The following CLEC4F variants were observed in gnomAD, a reference collection of about 807,000 sequenced individuals.
CLEC4F encodes C-type (calcium dependent, carbohydrate-recognition domain) lectin, superfamily member 13.
In CLEC4F, 45 loss-of-function variants were observed where a neutral mutation model predicts 53.4. That is an observed-to-expected ratio of 0.84 (90% CI 0.66 to 1.08). The LOEUF (loss-of-function observed/expected upper bound fraction) is 1.08. CLEC4F is among the 50% of genes least tolerant of loss of function. The pLI is 0.00. For synonymous variants in CLEC4F, 245 were observed against 257.5 expected (o/e 0.95, Z 0.46); for missense variants, 753 against 698.2 (o/e 1.08, Z -0.88).
chr2:70,818,157 G>A (rs1166133939), intron 3 of CLEC4F, among the ~76,000 whole-genome samples: 2 of 152,198 alleles, frequency 1.3e-5, no homozygotes, highest in African/African-American at 4.8e-5. Flanking sequence ...CTCAGTTACT[G>A]TGCTAAGGTA....
chr2:70,820,134 C>A (rs1320333662), intron 1 of CLEC4F, among the ~76,000 whole-genome samples: 1 of 152,154 alleles, frequency 6.6e-6, no homozygotes, highest in Non-Finnish European at 1.5e-5. Flanking sequence ...AGACCGAGAC[C>A]ACCGATCTCC....
intron 3 of CLEC4F, among the ~76,000 whole-genome samples, chr2:70,817,602 T>C (rs1676995946): frequency 6.6e-6 from 1 of 152,222 alleles, no homozygotes; most frequent in African/African-American, 2.4e-5. Flanking sequence ...TGATTCACCA[T>C]TGTTACTTGA....
Position 70,816,542 on chromosome 2 carries a change from C to G in CLEC4F, c.839G>C (p.Gly280Ala). 1 of 1,614,068 alleles carries G rather than the reference C, an allele frequency of 6.2e-7. No homozygotes were observed. The highest frequency in any genetic ancestry group is 8.5e-7 in the Non-Finnish European group (1 of 1,180,036). Residue 280 changes from glycine (G) to alanine (A), a missense_variant, in exon 4 of 7, where the codon GGA (glycine) becomes GCA (alanine). By Grantham distance (60) the Gly-to-Ala change is moderately conservative. Coordinates refer to ENST00000272367, the MANE Select transcript of CLEC4F (RefSeq NM_173535.3). ...QNQVLRNSLE[G>A]ANAEIQGLKE... ...TAGTCCCTGGATCTCAGCATTGGCT[C>G]CTTCCAAACTATTTCTTAAAACCTG... is the stretch of plus-strand genomic sequence containing the variant.
intron 3 of CLEC4F, 106 bp from the exon 4 acceptor site, chr2:70,817,218 G>T: frequency 1.6e-6 from 2 of 1,219,696 alleles, no homozygotes; most frequent in Non-Finnish European, 2.2e-6. Flanking sequence ...AATGGGTACT[G>T]CACAGCCCTC....
chr2:70,819,554 C>T, intron 2 of CLEC4F, 110 bp from the exon 3 acceptor site: 1 of 1,083,408 alleles, frequency 9.2e-7, no homozygotes, highest in Non-Finnish European at 1.4e-6. Context: ...GCAGCAAAGA[C>T]CCTCCCAGGG....
intron 4 of CLEC4F, among the ~76,000 whole-genome samples, chr2:70,813,618 T>TCTTTCTTTCTTTCTTTCTTTCTTTCTTC (rs1558612645): frequency 6.8e-5 from 10 of 147,902 alleles, no homozygotes; most frequent in African/African-American, 2.3e-4. Context: ...TTTCTTTCTT[T>TCTTTCTTTCTTTCTTTCTTTCTTTCTTC]CTTTCTTTCT....
upstream of CLEC4F, among the ~76,000 whole-genome samples, chr2:70,821,599 G>C (rs146171168): frequency 6.6e-6 from 1 of 152,200 alleles, no homozygotes; most frequent in Non-Finnish European, 1.5e-5. Context: ...GCCTTGCCCT[G>C]TGTACCTCTT....
intron 2 of CLEC4F, 87 bp downstream of exon 2, chr2:70,819,688 G>C (rs1677122400): frequency 1.1e-6 from 1 of 944,318 alleles, no homozygotes; most frequent in Non-Finnish European, 1.7e-6. Flanking sequence ...GAGCAGAGAG[G>C]CCCAGAGAGT....
At chr2:70,821,012 C>T (rs931654188), upstream of CLEC4F, among the ~76,000 whole-genome samples, 4 of 152,120 alleles carry the variant, frequency 2.6e-5, no homozygotes, top group African/African-American at 9.7e-5. Context: ...AGCGGGGTGA[C>T]CAGCCACTTG....
At chr2:70,811,746 T>G (rs1676580061) in intron 5 of CLEC4F, among the ~76,000 whole-genome samples, 1 of 152,150 alleles carries the variant, frequency 6.6e-6, no homozygotes, top group South Asian at 2.1e-4. Flanking sequence ...CTGGGTCTCC[T>G]ATTCATGGGC....
intron 5 of CLEC4F, among the ~76,000 whole-genome samples, chr2:70,811,683 T>G (rs534234278): frequency 6.6e-6 from 1 of 152,200 alleles, no homozygotes; most frequent in African/African-American, 2.4e-5. Flanking sequence ...GGGACGGTAT[T>G]GCGTTTGGTG....
chr2:70,809,424 T>C, intron 6 of CLEC4F, 42 bp from the exon 7 acceptor site: 1 of 1,553,736 alleles, frequency 6.4e-7, no homozygotes, highest in Non-Finnish European at 8.7e-7. Context: ...ACCCACTCAC[T>C]GGCTGCATGC....
chr2:70,819,717 G>C (rs1553397412), intron 2 of CLEC4F, 58 bp downstream of exon 2: 1 of 1,297,152 alleles, frequency 7.7e-7, no homozygotes, highest in Non-Finnish European at 1.1e-6. Flanking sequence ...GGGGCCCCTG[G>C]GGACTTTGTG....
chr2:70,813,700 A>G (rs1406161873), intron 4 of CLEC4F, among the ~76,000 whole-genome samples: 2 of 136,104 alleles, frequency 1.5e-5, no homozygotes, highest in African/African-American at 5.5e-5. Context: ...TTTTTGAGAC[A>G]GAGTTTTGCT....
chr2:70,822,470 C>T (rs535176556), upstream of CLEC4F, among the ~76,000 whole-genome samples: 193 of 152,226 alleles, frequency 1.3e-3, no homozygotes, highest in African/African-American at 4.3e-3. Flanking sequence ...GCTGGGTGGG[C>T]CTAGCATTAG....
At chr2:70,812,233 G>C (rs1676609050) in intron 5 of CLEC4F, among the ~76,000 whole-genome samples, 1 of 152,194 alleles carries the variant, frequency 6.6e-6, no homozygotes, top group South Asian at 2.1e-4. Context: ...GACCTCTGGT[G>C]TCTCCCTCAT....
upstream of CLEC4F, among the ~76,000 whole-genome samples, chr2:70,821,894 A>G (rs541463538): frequency 1.3e-5 from 2 of 152,246 alleles, no homozygotes; most frequent in South Asian, 4.2e-4. Context: ...CTGGGACTAC[A>G]GGTGTGTGCC....
At chr2:70,811,639 A>G (rs114672973) in intron 5 of CLEC4F, among the ~76,000 whole-genome samples, 3 of 152,166 alleles carry the variant, frequency 2.0e-5, no homozygotes, top group Non-Finnish European at 4.4e-5. Context: ...TAATCCTGGC[A>G]AGTTCTGATA....
chr2:70,809,528 A>C (rs1676423862), intron 6 of CLEC4F, 146 bp from the exon 7 acceptor site: 2 of 924,716 alleles, frequency 2.2e-6, no homozygotes, highest in African/African-American at 1.7e-5. Context: ...CACACACATC[A>C]CACACATACC....
Sources: allele counts gnomAD v4.1 joint callset (sites outside exome capture counted in the v4.1 genomes callset), GRCh38; gene constraint gnomAD v4.1.1; transcripts MANE v1.5; gene names NCBI Gene and HGNC (gene_info 2026-07-23, HGNC 2026-07-21).